CATSPERD: variants seen among roughly 807,000 people sequenced by gnomAD.
CATSPERD encodes catsper channel auxiliary subunit delta.
CATSPERD carries 86 observed loss-of-function variants against 98.1 expected under a neutral mutation model. The observed-to-expected ratio is 0.88, with a 90% CI of 0.74 to 1.05. The LOEUF is 1.05. Among genes scored for constraint, CATSPERD ranks in the 50% least tolerant of loss-of-function variants. The pLI is 0.00. For missense variants in CATSPERD, 995 were observed against 1,005.7 expected, an observed-to-expected ratio of 0.99 and a Z score of 0.14; for synonymous variants, 394 against 390.2, an observed-to-expected ratio of 1.01 and a Z score of -0.12.
Position 5,772,840 on chromosome 19 carries a change from G to A in CATSPERD, c.1816G>A (p.Glu606Lys), listed in dbSNP as rs745529098. 1.2e-6 allele frequency: 2 copies of A among 1,614,044 alleles called. No homozygotes were observed. Among genetic ancestry groups the A allele is most frequent in the Middle Eastern group, 1.7e-4 (1 of 6,060 alleles). ...EVIDAEYVLL[E>K]VNGQFSYSYS... is the part of the protein sequence containing the mutation. ...CATCGACGCCGAGTATGTGTTACTG[G>A]AGGTGAACGGGCAGTTCTCATACTC... The change falls in exon 20 of 22, where the codon GAG (glutamate) becomes AAG (lysine). Residue 606 changes from glutamate (E) to lysine (K), a missense_variant. Glu to Lys is a moderately conservative substitution (Grantham distance 56). This residue lies in a region of CATSPERD where 762 missense variants were observed against 773.7 expected (regional missense o/e 0.98). Transcript: ENST00000381624.
At chr19:5,767,653 A>AT (rs1215729030) in intron 17 of CATSPERD, among the ~76,000 whole-genome samples, 1 of 150,858 alleles carries the variant, frequency 6.6e-6, no homozygotes, top group Non-Finnish European at 1.5e-5. Context: ...TGCCCAGCTA[A>AT]TTTTTTTGTA....
At chr19:5,763,405 G>A in intron 16 of CATSPERD, 112 bp downstream of exon 16, 3 of 735,302 alleles carry the variant, frequency 4.1e-6, no homozygotes, top group South Asian at 3.7e-5. Flanking sequence ...CTCCAACCTG[G>A]GTGCAAGAGA....
rs2055930419 is a variant in CATSPERD at position 5,740,193 on chromosome 19, A to G, written c.573+754A>G. On this transcript the variant is annotated intron_variant, in intron 7 of 21. Transcript: ENST00000381624. ...CTACTCGGGAGGCTGAGGCAGGAGA[A>G]TCGCTTGAACCCGGGAGGCAGAGGT... 4.0e-5 allele frequency among the ~76,000 whole-genome samples: 6 copies of G among 151,700 alleles called. No individual in the cohort carries two copies. In the South Asian group the frequency reaches 8.3e-4, roughly 21 times the overall value.
In CATSPERD at chr19:5,733,840, A is replaced by G. The variant is rs759886803; in HGVS notation, c.277-16A>G. On this transcript the variant is annotated splice_polypyrimidine_tract_variant and intron_variant, in intron 4 of 21. Coordinates refer to ENST00000381624, the MANE Select transcript of CATSPERD (RefSeq NM_152784.4). ...AAAGATGCTCTCATTGATATCATCC[A>G]TATGATAACTTTTAGGTCGGCGTAC... The G allele has an allele frequency of 7.2e-6, 11 of 1,520,180 alleles. No homozygotes were observed. Among genetic ancestry groups the G allele is most frequent in the Middle Eastern group, 1.7e-4 (1 of 5,842 alleles). The allele number at this position is 1,520,180 out of a possible 1,614,324, so 94.2% of individuals were successfully genotyped here.
At chr19:5,769,826 T>G (rs1016253329) in intron 18 of CATSPERD, among the ~76,000 whole-genome samples, 1 of 152,088 alleles carries the variant, frequency 6.6e-6, no homozygotes, top group African/African-American at 2.4e-5. Flanking sequence ...GGGTGGCTCA[T>G]GCCTGTAATC....
At chr19:5,745,575 C>T (rs572687381) in intron 8 of CATSPERD, among the ~76,000 whole-genome samples, 2 of 152,102 alleles carry the variant, frequency 1.3e-5, no homozygotes, top group South Asian at 4.2e-4. Flanking sequence ...GAGCCGAGAT[C>T]GTGCCACTGC....
chr19:5,766,904 G>A (rs2056548129), intron 17 of CATSPERD, among the ~76,000 whole-genome samples: 1 of 151,700 alleles, frequency 6.6e-6, no homozygotes, highest in African/African-American at 2.4e-5. Flanking sequence ...TGTTGGCCAG[G>A]CTGGTCTCCA....
intron 19 of CATSPERD, chr19:5,772,087 G>A: frequency 6.0e-6 from 1 of 167,490 alleles, no homozygotes; most frequent in South Asian, 5.3e-5. Flanking sequence ...TTGCTCTGTT[G>A]CCCAGGCTGG....
chr19:5,721,197 T>C (rs142334895), intron 1 of CATSPERD, among the ~76,000 whole-genome samples: 48 of 151,146 alleles, frequency 3.2e-4, no homozygotes, highest in African/African-American at 1.1e-3. Context: ...AAGACGGGGG[T>C]TTCACCGTAT....
At chr19:5,768,405 C>T (rs571164034) in intron 18 of CATSPERD, among the ~76,000 whole-genome samples, 163 bp downstream of exon 18, 9 of 150,358 alleles carry the variant, frequency 6.0e-5, no homozygotes, top group Admixed American at 4.0e-4. Flanking sequence ...GGCGCGATCT[C>T]GGCTCACTGC....
At chr19:5,745,792 C>T in intron 8 of CATSPERD, 121 bp from the exon 9 acceptor site, 1 of 870,246 alleles carries the variant, frequency 1.1e-6, no homozygotes, top group South Asian at 2.6e-5. Context: ...AGACTTGTGG[C>T]TTCTTTGCTT....
At chr19:5,736,939 C>G (rs1179670132) in intron 5 of CATSPERD, among the ~76,000 whole-genome samples, 199 bp from the exon 6 acceptor site, 1 of 150,860 alleles carries the variant, frequency 6.6e-6, no homozygotes, top group Non-Finnish European at 1.5e-5. Context: ...TGCCTGTAGT[C>G]CCAGCTACTC....
intron 2 of CATSPERD, among the ~76,000 whole-genome samples, chr19:5,725,073 A>G (rs906355840): frequency 6.6e-6 from 1 of 152,208 alleles, no homozygotes; most frequent in Non-Finnish European, 1.5e-5. Flanking sequence ...TCATCTGAAC[A>G]ACGCCAAGAG....
chr19:5,765,583 G>A (rs575550022), intron 16 of CATSPERD, among the ~76,000 whole-genome samples: 9 of 152,104 alleles, frequency 5.9e-5, no homozygotes, highest in Non-Finnish European at 8.8e-5. Context: ...AGGCCCAGGC[G>A]GGTGGATCAC....
intron 18 of CATSPERD, among the ~76,000 whole-genome samples, chr19:5,768,987 C>G (rs1431202029): frequency 6.6e-6 from 1 of 151,564 alleles, no homozygotes; most frequent in East Asian, 2.0e-4. Flanking sequence ...AACCCCATCT[C>G]TACTAAAAAT....
At chr19:5,744,694 A>G (rs1484238220) in intron 8 of CATSPERD, among the ~76,000 whole-genome samples, 184 bp downstream of exon 8, 3 of 151,518 alleles carry the variant, frequency 2.0e-5, no homozygotes, top group African/African-American at 4.8e-5. Flanking sequence ...TCCACCTTTC[A>G]ACTTCAAGCA....
Position 5,772,872 on chromosome 19 carries a change from C to T in CATSPERD, c.1848C>T (p.Ser616=), listed in dbSNP as rs1478829254. 6.2e-7 allele frequency: 1 copy of T among 1,614,120 alleles called. No homozygotes were observed. The highest frequency in any genetic ancestry group is 1.1e-5 in the South Asian group (1 of 91,076). ...EVNGQFSYSY[S]LTAQSAMCTS... is the part of the protein sequence containing the mutation. ...ACGGGCAGTTCTCATACTCCTATTC[C>T]CTGACGGCCCAGTCGGCCATGTGTA... is the stretch of plus-strand genomic sequence containing the variant. The change falls in exon 20 of 22, where the codon TCC becomes TCT. Residue 616 remains serine (S), a synonymous_variant. Transcript: ENST00000381624.
intron 13 of CATSPERD, 82 bp from the exon 14 acceptor site, chr19:5,757,761 G>A (rs2056353416): frequency 8.8e-6 from 9 of 1,026,708 alleles, no homozygotes; most frequent in South Asian, 8.5e-5. Context: ...ATTTGAAGGT[G>A]TGCTGGGCTC....
chr19:5,754,393 CTTT>C (rs749080620), intron 13 of CATSPERD, 148 bp downstream of exon 13: 3,142 of 228,440 alleles, frequency 0.014, no homozygotes, highest in Middle Eastern at 0.032. Flanking sequence ...GTCTCTGTGT[CTTT>C]TTTTTTTTTT....
Sources: gnomAD v4.1 joint callset for allele counts (sites outside exome capture counted in the v4.1 genomes callset) on GRCh38, gnomAD v4.1.1 for gene constraint, gnomAD v4.1.1 regional missense constraint, MANE v1.5 for transcripts, NCBI Gene and HGNC (gene_info 2026-07-23, HGNC 2026-07-21) for gene names.